Variants in COX7B2 observed in about 807,000 individuals in gnomAD.
The protein encoded by COX7B2 is cytochrome c oxidase subunit 7B2.
For missense variants in COX7B2, 109 were observed against 95.9 expected, an observed-to-expected ratio of 1.14 and a Z score of -0.57; for synonymous variants, 37 against 32.1, an observed-to-expected ratio of 1.15 and a Z score of -0.51.
At chr4:46,785,435 A>C (rs1717701989) in intron 2 of COX7B2, among the ~76,000 whole-genome samples, 1 of 150,118 alleles carries the variant, frequency 6.7e-6, no homozygotes, top group Admixed American at 6.7e-5. Flanking sequence ...GTGCAGTGGC[A>C]CAATCTCAGC....
At chr4:46,842,356 T>A (rs1375409776) in intron 2 of COX7B2, among the ~76,000 whole-genome samples, 1 of 152,004 alleles carries the variant, frequency 6.6e-6, no homozygotes, top group Non-Finnish European at 1.5e-5. Context: ...TGAATAAGCA[T>A]GATTAAATTA....
chr4:46,836,544 G>T (rs188751829), intron 2 of COX7B2, among the ~76,000 whole-genome samples: 1 of 151,222 alleles, frequency 6.6e-6, no homozygotes, highest in Admixed American at 6.6e-5. Context: ...CTTTCTTCTG[G>T]AATATCCTAT....
intron 1 of COX7B2, among the ~76,000 whole-genome samples, chr4:46,858,708 G>A (rs978234347): frequency 6.6e-6 from 1 of 152,148 alleles, no homozygotes; most frequent in Non-Finnish European, 1.5e-5. Context: ...GCGTGTGTGT[G>A]TGTGTACAGA....
At position 46,897,605 on chromosome 4, in the gene COX7B2, G is replaced by A. The variant is rs929305709; in HGVS notation, c.-105+11555C>T. Reference sequence around the variant, plus strand: ...AAGTATTCTGTCTCATGCACCCCTTGGTAATCCCTACGGCTGTCAACTCAG... The same window carrying A: ...AAGTATTCTGTCTCATGCACCCCTTAGTAATCCCTACGGCTGTCAACTCAG... On this transcript the variant is annotated intron_variant, in intron 1 of 2. Coordinates refer to ENST00000355591, the MANE Select transcript of COX7B2 (RefSeq NM_130902.3). Among the ~76,000 whole-genome samples, 25 of 152,070 alleles carry A rather than the reference G, an allele frequency of 1.6e-4. 1 individual carries two copies. The highest frequency in any genetic ancestry group is 5.3e-4 in the African/African-American group (22 of 41,410).
intron 1 of COX7B2, among the ~76,000 whole-genome samples, chr4:46,865,845 C>T (rs183082010): frequency 2.0e-4 from 31 of 152,282 alleles, no homozygotes; most frequent in Admixed American, 4.6e-4. Context: ...GAAAATCTCA[C>T]GACCATGTCT....
chr4:46,858,391 G>A (rs1577665213), intron 1 of COX7B2, among the ~76,000 whole-genome samples: 2 of 152,162 alleles, frequency 1.3e-5, no homozygotes. Flanking sequence ...CACCACGCTT[G>A]GCCACATCGC....
rs544906455 is a variant in COX7B2, at chr4:46,892,874, G to T, written c.-105+16286C>A. On this transcript the variant is annotated intron_variant, in intron 1 of 2. Transcript: ENST00000355591. ...CCAGTGGGACATAACTGAATAATGG[G>T]GGGATTTCCCCCATGCTATTCTCAT... 2.6e-5 allele frequency among the ~76,000 whole-genome samples: 4 copies of T among 152,262 alleles called. No individual in the cohort carries two copies. In the South Asian group the frequency reaches 8.3e-4, roughly 32 times the overall value.
intron 2 of COX7B2, among the ~76,000 whole-genome samples, chr4:46,771,629 A>C (rs1328886812): frequency 6.6e-6 from 1 of 152,034 alleles, no homozygotes; most frequent in African/African-American, 2.4e-5. Flanking sequence ...ATTCTCCAAA[A>C]TCCAAAACTT....
chr4:46,855,622 A>G (rs1308120842), intron 1 of COX7B2, among the ~76,000 whole-genome samples: 1 of 152,072 alleles, frequency 6.6e-6, no homozygotes, highest in Non-Finnish European at 1.5e-5. Context: ...TTACAGATTG[A>G]CAAAAAAAAC....
At chr4:46,821,269 A>T (rs1047708469) in intron 2 of COX7B2, among the ~76,000 whole-genome samples, 2 of 152,216 alleles carry the variant, frequency 1.3e-5, no homozygotes, top group Admixed American at 1.3e-4. Flanking sequence ...CAAAGAAAAT[A>T]TTGTTAGATA....
intron 1 of COX7B2, among the ~76,000 whole-genome samples, chr4:46,888,077 A>T (rs1455631303): frequency 6.6e-6 from 1 of 152,216 alleles, no homozygotes; most frequent in East Asian, 1.9e-4. Flanking sequence ...GATGATCACA[A>T]CTTCACTGAT....
intron 2 of COX7B2, among the ~76,000 whole-genome samples, chr4:46,815,537 G>A (rs964945678): frequency 1.3e-5 from 2 of 151,764 alleles, no homozygotes; most frequent in African/African-American, 4.8e-5. Flanking sequence ...CTTTAACCTT[G>A]GAAATTACAG....
At chr4:46,807,298 ATT>A (rs1719054198) in intron 2 of COX7B2, among the ~76,000 whole-genome samples, 1 of 151,876 alleles carries the variant, frequency 6.6e-6, no homozygotes, top group South Asian at 2.1e-4. Context: ...CCTGTTGGCC[ATT>A]TATGTCTTCT....
At chr4:46,803,971 A>G (rs1718816603) in intron 2 of COX7B2, among the ~76,000 whole-genome samples, 1 of 151,676 alleles carries the variant, frequency 6.6e-6, no homozygotes, top group Non-Finnish European at 1.5e-5. Flanking sequence ...GAAGCTGCGG[A>G]CCCTTGCAGT....
At chr4:46,901,932 A>G (rs1192438048) in intron 1 of COX7B2, among the ~76,000 whole-genome samples, 1 of 152,182 alleles carries the variant, frequency 6.6e-6, no homozygotes, top group Non-Finnish European at 1.5e-5. Context: ...TCTGAATAAC[A>G]CTATCAGCTT....
chr4:46,766,877 A>G (rs1716574105), intron 2 of COX7B2, among the ~76,000 whole-genome samples: 1 of 152,178 alleles, frequency 6.6e-6, no homozygotes, highest in South Asian at 2.1e-4. Flanking sequence ...ACATAAAGAG[A>G]AAAGAATCAA....
At chr4:46,753,547 T>C (rs1485602126) in intron 2 of COX7B2, among the ~76,000 whole-genome samples, 2 of 151,686 alleles carry the variant, frequency 1.3e-5, no homozygotes, top group African/African-American at 4.8e-5. Context: ...CCTTACACCT[T>C]ATACAAAAAT....
chr4:46,769,033 T>G (rs954937118), intron 2 of COX7B2, among the ~76,000 whole-genome samples: 1 of 152,016 alleles, frequency 6.6e-6, no homozygotes, highest in East Asian at 1.9e-4. Context: ...GAATGGACCC[T>G]CCCAATAACC....
intron 1 of COX7B2, among the ~76,000 whole-genome samples, chr4:46,893,758 A>C (rs1719583500): frequency 6.6e-6 from 1 of 152,182 alleles, no homozygotes; most frequent in African/African-American, 2.4e-5. Context: ...AAAAGTCAAA[A>C]TATCTTTCTC....
Sources: allele counts gnomAD v4.1 joint callset (sites outside exome capture counted in the v4.1 genomes callset), GRCh38; gene constraint gnomAD v4.1.1; transcripts MANE v1.5; gene names NCBI Gene and HGNC (gene_info 2026-07-23, HGNC 2026-07-21).